LAMTOR5: variants seen among roughly 807,000 people sequenced by gnomAD.
LAMTOR5 encodes the protein late endosomal/lysosomal adaptor, MAPK and MTOR activator 5, also known as ragulator complex protein LAMTOR5.
A neutral mutation model predicts 12.1 loss-of-function variants in LAMTOR5; 8 were observed. The observed-to-expected ratio is 0.66, with a 90% CI of 0.39 to 1.19. The LOEUF (loss-of-function observed/expected upper bound fraction) is 1.19, where lower values mean the gene tolerates loss of function less well. Among genes scored for constraint, LAMTOR5 ranks in the 50% most tolerant of loss-of-function variants. The probability of loss-of-function intolerance (pLI) is 0.01; values close to 1 mark genes in which losing one functional copy is unlikely to be tolerated. For synonymous variants in LAMTOR5, 37 were observed against 41.9 expected (o/e 0.88, Z 0.45); for missense variants, 110 against 112.8 (o/e 0.97, Z 0.11).
intron 1 of LAMTOR5, chr1:110,406,756 G>A: frequency 3.0e-6 from 1 of 330,852 alleles, no homozygotes; most frequent in South Asian, 6.3e-5. Flanking sequence ...CCTGGGAGGC[G>A]GAGGTTGCAG....
At chr1:110,405,829 G>A (rs539508761) in intron 2 of LAMTOR5, among the ~76,000 whole-genome samples, 1 of 152,226 alleles carries the variant, frequency 6.6e-6, no homozygotes, top group Non-Finnish European at 1.5e-5. Context: ...ACTAACAAAT[G>A]AAAGAGCAAG....
intron 2 of LAMTOR5, among the ~76,000 whole-genome samples, chr1:110,406,037 G>T (rs572650274): frequency 6.6e-6 from 1 of 152,296 alleles, no homozygotes; most frequent in Admixed American, 6.5e-5. Flanking sequence ...GTTATTATCT[G>T]AAGTCCTTTC....
intron 1 of LAMTOR5, chr1:110,407,077 G>A (rs1428731073): frequency 1.4e-6 from 1 of 697,464 alleles, no homozygotes; most frequent in African/African-American, 1.8e-5. Context: ...GTGGGAGGCA[G>A]GTGTCTCTCT....
At position 110,404,055 on chromosome 1, in the gene LAMTOR5, A is replaced by T. The variant is rs1191283386; in HGVS notation, c.98-19T>A. The T allele has an allele frequency of 1.2e-6, 2 of 1,611,584 alleles. No homozygotes were observed. The highest frequency in any genetic ancestry group is 8.5e-7 in the Non-Finnish European group (1 of 1,178,844). ...CCGCGGCCTGGAAAATAGAGATGATATATGTCACCTGATTGCTCATAGAGT... is the reference window on the plus strand; with the variant it reads ...CCGCGGCCTGGAAAATAGAGATGATTTATGTCACCTGATTGCTCATAGAGT... On this transcript the variant is annotated intron_variant, in intron 2 of 3. Coordinates refer to ENST00000602318, the MANE Select transcript of LAMTOR5 (RefSeq NM_001382293.1).
At position 110,406,346 on chromosome 1, in the gene LAMTOR5, G is replaced by C; in HGVS notation, c.69C>G (p.Cys23Trp). 1 of 1,610,366 alleles carries C rather than the reference G, an allele frequency of 6.2e-7. No homozygotes were observed. Among genetic ancestry groups the C allele is most frequent in the East Asian group, 2.2e-5 (1 of 44,714 alleles). ...CCAGATTAAGTCCTTGTGAATCTGTGCACAGGACTCCAACAATGGAGGGAT... is the reference window on the plus strand; with the variant it reads ...CCAGATTAAGTCCTTGTGAATCTGTCCACAGGACTCCAACAATGGAGGGAT... Reference protein sequence around the residue: ...MKNPSIVGVLCTDSQGLNLGC... With the variant: ...MKNPSIVGVLWTDSQGLNLGC... Residue 23 changes from cysteine (C) to tryptophan (W), a missense_variant, in exon 2 of 4, where the codon TGC (cysteine) becomes TGG (tryptophan). Physicochemically the swap from Cys to Trp is radical, Grantham distance 215. Transcript: ENST00000602318.
intron 1 of LAMTOR5, chr1:110,406,779 A>C (rs1663338963): frequency 2.6e-6 from 1 of 377,364 alleles, no homozygotes; most frequent in Non-Finnish European, 4.8e-6. Flanking sequence ...AGCCGAGATC[A>C]CGCCATTGCA....
Position 110,403,963 on chromosome 1 carries a change from A to T in LAMTOR5, c.171T>A (p.Ser57=). Residue 57 remains serine (S), a synonymous_variant, in exon 3 of 4, where the codon TCT becomes TCA. Coordinates refer to ENST00000602318, the MANE Select transcript of LAMTOR5 (RefSeq NM_001382293.1). Reference sequence around the variant, plus strand: ...ACACCACAGGAATATCAGTGGGGTCAGAGGTTAGCTTAGCTGCTTGCTGGG... The same window carrying T: ...ACACCACAGGAATATCAGTGGGGTCTGAGGTTAGCTTAGCTGCTTGCTGGG... ...VLAQQAAKLT[S]DPTDIPVVCL... 6.2e-7 allele frequency: 1 copy of T among 1,614,256 alleles called. No homozygotes were observed. Among genetic ancestry groups the T allele is most frequent in the South Asian group, 1.1e-5 (1 of 91,088 alleles).
In LAMTOR5 at chr1:110,403,859, G is replaced by A. The variant is rs568806829; in HGVS notation, c.215+60C>T. Reference sequence around the variant, plus strand: ...ACTGATGAACACAGGGCCGGCCCCCGCCAATTTTACCAGGAATTTTTCTGA... The same window carrying A: ...ACTGATGAACACAGGGCCGGCCCCCACCAATTTTACCAGGAATTTTTCTGA... On this transcript the variant is annotated intron_variant, in intron 3 of 3. Transcript: ENST00000602318. 5.6e-5 allele frequency: 89 copies of A among 1,596,656 alleles called. 1 individual carries two copies. The highest frequency in any genetic ancestry group is 5.5e-4 in the Admixed American group (32 of 58,468).
At chr1:110,405,003 G>C (rs1240131179) in intron 2 of LAMTOR5, among the ~76,000 whole-genome samples, 3 of 149,542 alleles carry the variant, frequency 2.0e-5, no homozygotes, top group African/African-American at 7.4e-5. Flanking sequence ...AGCCAAGATC[G>C]TGCCACTGCA....
intron 2 of LAMTOR5, among the ~76,000 whole-genome samples, chr1:110,404,588 C>T (rs974135739): frequency 6.6e-6 from 1 of 152,148 alleles, no homozygotes; most frequent in African/African-American, 2.4e-5. Context: ...TTAAACATTC[C>T]TGCATTAGGA....
At chr1:110,406,526 A>C (rs1663333124) in intron 1 of LAMTOR5, 147 bp from the exon 2 acceptor site, 1 of 551,364 alleles carries the variant, frequency 1.8e-6, no homozygotes, top group Admixed American at 3.9e-5. Flanking sequence ...CACCCTAAGA[A>C]AAAAATTAAG....
chr1:110,401,593 A>ACT lies in LAMTOR5; in HGVS notation c.216-11_216-10insAG. On this transcript the variant is annotated splice_polypyrimidine_tract_variant and intron_variant, in intron 3 of 3. Coordinates refer to ENST00000602318, the MANE Select transcript of LAMTOR5 (RefSeq NM_001382293.1). ...CTGGATCATAATGTTCCTGAAATGCAGGAAGAAAATATTCAGTAAAACGTA... is the reference window on the plus strand; with the variant it reads ...CTGGATCATAATGTTCCTGAAATGCACTGGAAGAAAATATTCAGTAAAACGTA... 6.2e-7 allele frequency: 1 copy of ACT among 1,600,804 alleles called. No individual in the cohort carries two copies. The highest frequency in any genetic ancestry group is 8.6e-7 in the Non-Finnish European group (1 of 1,168,988).
chr1:110,403,228 ATAG>A (rs57125530), intron 3 of LAMTOR5, among the ~76,000 whole-genome samples: 66,481 of 151,740 alleles, frequency 0.44, 14,892 homozygotes, highest in Non-Finnish European at 0.51. Flanking sequence ...CAAGGCTGTG[ATAG>A]TAGCAGTTGT....
At chr1:110,407,475 G>A in intron 1 of LAMTOR5, 111 bp downstream of exon 1, 1 of 1,354,232 alleles carries the variant, frequency 7.4e-7, no homozygotes, top group Non-Finnish European at 9.9e-7. Flanking sequence ...CCCGGGGGTC[G>A]CGCGACGTCC....
rs1663224352 is a variant in LAMTOR5 at position 110,401,321 on chromosome 1, C to T, written c.*202G>A. On this transcript the variant is annotated 3_prime_UTR_variant, in exon 4 of 4. Coordinates refer to ENST00000602318, the MANE Select transcript of LAMTOR5 (RefSeq NM_001382293.1). ...ACAAAGTGACCTGGACCTGCTGCTTCAAAACATGATCCTTTCTTACTAATA... is the reference window on the plus strand; with the variant it reads ...ACAAAGTGACCTGGACCTGCTGCTTTAAAACATGATCCTTTCTTACTAATA... 1 of 440,364 alleles carries T rather than the reference C, an allele frequency of 2.3e-6. No homozygotes were observed. The allele number at this position is 440,364 out of a possible 1,614,324, so 27.3% of individuals were successfully genotyped here. A position where few individuals can be genotyped will look rare whatever the true frequency, so the allele number is the denominator to read the frequency against.
chr1:110,407,748 A>G (rs755876971), upstream of LAMTOR5: 1 of 1,613,978 alleles, frequency 6.2e-7, no homozygotes, highest in Non-Finnish European at 8.5e-7. Flanking sequence ...AAAATTGATC[A>G]CGGTGCAACG....
intron 3 of LAMTOR5, 40 bp from the exon 4 acceptor site, chr1:110,401,623 G>A: frequency 1.9e-6 from 3 of 1,574,802 alleles, no homozygotes; most frequent in Non-Finnish European, 2.6e-6. Context: ...AACGTAATCA[G>A]TGGGACTTCA....
chr1:110,406,926 G>A (rs1663342329), intron 1 of LAMTOR5: 1 of 521,022 alleles, frequency 1.9e-6, no homozygotes, highest in Non-Finnish European at 3.5e-6. Flanking sequence ...GAGTTCTGGA[G>A]GGCCACAAAC....
chr1:110,401,831 G>A (rs994596842), intron 3 of LAMTOR5, among the ~76,000 whole-genome samples: 5 of 152,044 alleles, frequency 3.3e-5, no homozygotes, highest in South Asian at 2.1e-4. Context: ...TCTTTGTTTC[G>A]GTTTTTTAGG....
Sources: allele counts gnomAD v4.1 joint callset (sites outside exome capture counted in the v4.1 genomes callset), GRCh38; gene constraint gnomAD v4.1.1; transcripts MANE v1.5; gene names NCBI Gene and HGNC (gene_info 2026-07-23, HGNC 2026-07-21).